RASGRF2: variants seen among roughly 807,000 people sequenced by gnomAD.
RASGRF2 encodes ras-specific guanine nucleotide-releasing factor 2.
Under a neutral mutation model 151.0 loss-of-function variants are expected in RASGRF2, and 76 were observed. The ratio of observed to expected loss-of-function variants is 0.50; its 90% CI spans 0.42 to 0.61. The LOEUF (loss-of-function observed/expected upper bound fraction) is 0.61. Ranked by LOEUF, RASGRF2 falls within the 20% of genes least tolerant of loss-of-function variation. RASGRF2 has a pLI of 0.00. For missense variants in RASGRF2, 1,148 were observed against 1,564.6 expected (o/e 0.73, Z 4.49); for synonymous variants, 504 against 566.5 (o/e 0.89, Z 1.57).
At chr5:81,060,901 G>A (rs1013362672) in intron 2 of RASGRF2, among the ~76,000 whole-genome samples, 1 of 152,084 alleles carries the variant, frequency 6.6e-6, no homozygotes, top group East Asian at 1.9e-4. Flanking sequence ...AAGTTTTGAT[G>A]TATGTCTCTC....
At chr5:81,088,774 C>A (rs1278604385) in intron 9 of RASGRF2, among the ~76,000 whole-genome samples, 1 of 151,996 alleles carries the variant, frequency 6.6e-6, no homozygotes, top group Non-Finnish European at 1.5e-5. Flanking sequence ...TAGGTCTGAG[C>A]TTGAAAAAAC....
chr5:81,098,769 C>G (rs527651730), intron 12 of RASGRF2, among the ~76,000 whole-genome samples: 11 of 152,304 alleles, frequency 7.2e-5, no homozygotes, highest in Non-Finnish European at 1.3e-4. Flanking sequence ...AAGCCTGTAT[C>G]TCAGCTGGCT....
chr5:81,154,168 A>G (rs1443051288), intron 17 of RASGRF2, among the ~76,000 whole-genome samples: 3 of 152,346 alleles, frequency 2.0e-5, no homozygotes, highest in South Asian at 4.1e-4. Context: ...ACAAAAAATG[A>G]AAAGGATATA....
At chr5:81,188,859 T>A (rs981631276) in intron 18 of RASGRF2, among the ~76,000 whole-genome samples, 1 of 152,170 alleles carries the variant, frequency 6.6e-6, no homozygotes, top group East Asian at 1.9e-4. Context: ...ACCCCCAATC[T>A]TGCAGCCTCT....
chr5:81,041,167 T>C lies in RASGRF2; in HGVS notation c.289-1710T>C, dbSNP rs183351469. 6.9e-3 allele frequency among the ~76,000 whole-genome samples: 1,048 copies of C among 152,190 alleles called. 30 individuals carry two copies. Among genetic ancestry groups the C allele is most frequent in the Admixed American group, 0.048 (735 of 15,284 alleles). The stretch of plus-strand genomic sequence containing the variant: ...AAATACAAAAAGTAGCCAGGCGTGG[T>C]GGCACATGCCTGTAATCCTAGCTAC... On this transcript the variant is annotated intron_variant, in intron 1 of 26. Coordinates refer to ENST00000265080, the MANE Select transcript of RASGRF2 (RefSeq NM_006909.3).
intron 2 of RASGRF2, among the ~76,000 whole-genome samples, chr5:81,045,379 G>A (rs1463984753): frequency 6.6e-6 from 1 of 152,182 alleles, no homozygotes; most frequent in Non-Finnish European, 1.5e-5. Context: ...TTGCTTTAAA[G>A]ATGATTAGAT....
At chr5:81,116,656 G>A (rs980666318) in intron 15 of RASGRF2, among the ~76,000 whole-genome samples, 15 of 152,094 alleles carry the variant, frequency 9.9e-5, no homozygotes, top group African/African-American at 2.9e-4. Context: ...GTGCAAAACC[G>A]AAACTCTATA....
chr5:81,120,091 G>T (rs193195559), intron 15 of RASGRF2, among the ~76,000 whole-genome samples: 1 of 152,208 alleles, frequency 6.6e-6, no homozygotes, highest in Admixed American at 6.5e-5. Context: ...ACCACCTAAT[G>T]CATCCCCCTT....
intron 18 of RASGRF2, chr5:81,183,142 G>A (rs1754955183): frequency 2.1e-6 from 2 of 970,074 alleles, no homozygotes; most frequent in Non-Finnish European, 2.5e-6. Context: ...GCCAAGCATG[G>A]TAACAGTTAC....
chr5:81,222,514 C>G (rs1011942342), intron 26 of RASGRF2, among the ~76,000 whole-genome samples: 11 of 152,210 alleles, frequency 7.2e-5, no homozygotes, highest in Admixed American at 1.3e-4. Context: ...CCAATCCCCA[C>G]TCCACTCTTA....
chr5:81,072,337 C>T (rs116681139), intron 4 of RASGRF2, among the ~76,000 whole-genome samples: 2,614 of 152,118 alleles, frequency 0.017, 36 homozygotes, highest in Non-Finnish European at 0.02. Flanking sequence ...AACATGGTGA[C>T]GACACTGGTA....
intron 12 of RASGRF2, among the ~76,000 whole-genome samples, chr5:81,104,892 C>T (rs1174817006): frequency 1.3e-5 from 2 of 152,152 alleles, no homozygotes; most frequent in Non-Finnish European, 2.9e-5. Flanking sequence ...GTGGGCTCAT[C>T]TCTCACTCCT....
At chr5:81,109,284 A>G (rs1270753183) in intron 13 of RASGRF2, among the ~76,000 whole-genome samples, 2 of 152,216 alleles carry the variant, frequency 1.3e-5, no homozygotes, top group Non-Finnish European at 2.9e-5. Context: ...AACTCATAGC[A>G]TAGAAAAATT....
At chr5:81,051,956 C>T (rs1751025285) in intron 2 of RASGRF2, among the ~76,000 whole-genome samples, 1 of 152,148 alleles carries the variant, frequency 6.6e-6, no homozygotes, top group African/African-American at 2.4e-5. Context: ...TTGAGGGTGC[C>T]AGTTTCTTCA....
intron 1 of RASGRF2, among the ~76,000 whole-genome samples, chr5:81,030,460 A>C (rs544724796): frequency 5.3e-5 from 8 of 152,360 alleles, no homozygotes; most frequent in African/African-American, 1.9e-4. Context: ...TCTTGGCAGA[A>C]ATTCCACAAG....
At chr5:81,029,276 T>C (rs572472224) in intron 1 of RASGRF2, among the ~76,000 whole-genome samples, 1 of 152,368 alleles carries the variant, frequency 6.6e-6, no homozygotes, top group Non-Finnish European at 1.5e-5. Context: ...TAAACATCCC[T>C]GTCTGACAGC....
chr5:81,020,608 C>T (rs981026872), intron 1 of RASGRF2, among the ~76,000 whole-genome samples: 10 of 152,024 alleles, frequency 6.6e-5, no homozygotes, highest in African/African-American at 1.7e-4. Context: ...AGCTCTCAGC[C>T]AGTGTGAGAA....
At chr5:81,003,755 A>C (rs1468742515) in intron 1 of RASGRF2, among the ~76,000 whole-genome samples, 4 of 152,196 alleles carry the variant, frequency 2.6e-5, no homozygotes, top group Non-Finnish European at 5.9e-5. Context: ...GCAGGTATCA[A>C]AATAGAAATC....
intron 10 of RASGRF2, 134 bp downstream of exon 10, chr5:81,093,095 T>G: frequency 1.1e-6 from 1 of 943,710 alleles, no homozygotes; most frequent in South Asian, 1.8e-5. Context: ...AGTGAGGTAA[T>G]GTACTGTTAC....
Sources: allele counts gnomAD v4.1 joint callset (sites outside exome capture counted in the v4.1 genomes callset), GRCh38; gene constraint gnomAD v4.1.1; transcripts MANE v1.5; gene names NCBI Gene and HGNC (gene_info 2026-07-23, HGNC 2026-07-21).